The following UMAD1 variants were observed in gnomAD, a reference collection of about 807,000 sequenced individuals.
The protein encoded by UMAD1 is UBAP1-MVB12-associated (UMA)-domain containing protein 1.
In UMAD1, 8 loss-of-function variants were observed where a neutral mutation model predicts 6.1. The observed-to-expected ratio is 1.30, with a 90% CI of 0.76 to 2.35. UMAD1 has a LOEUF of 2.35. Ranked by LOEUF, UMAD1 falls within the 30% of genes most tolerant of loss-of-function variation. The pLI is 0.00. For missense variants in UMAD1, 130 were observed against 78.4 expected, an observed-to-expected ratio of 1.66 and a Z score of -2.49; for synonymous variants, 56 against 31.4, an observed-to-expected ratio of 1.78 and a Z score of -2.61.
In UMAD1 at chr7:7,693,551, A is replaced by G. The variant is rs536447725; in HGVS notation, c.82+20098A>G. Among the ~76,000 whole-genome samples the G allele has an allele frequency of 1.5e-3, 234 of 152,290 alleles. 1 individual carries two copies. Among genetic ancestry groups the G allele is most frequent in the African/African-American group, 5.4e-3 (223 of 41,562 alleles). ...ATTCTCAAAAGAGCTTCATGAAACT[A>G]GAACTTCCAGTGTATCAGGAGGCAT... On this transcript the variant is annotated intron_variant, in intron 2 of 3. Transcript: ENST00000682710.
At chr7:7,784,623 G>A (rs937740878) in intron 2 of UMAD1, among the ~76,000 whole-genome samples, 2 of 151,992 alleles carry the variant, frequency 1.3e-5, no homozygotes, top group African/African-American at 4.8e-5. Flanking sequence ...GGGATTACAG[G>A]CGTGAGCCAC....
At chr7:7,800,391 C>A (rs1182598390) in intron 2 of UMAD1, among the ~76,000 whole-genome samples, 4 of 152,142 alleles carry the variant, frequency 2.6e-5, no homozygotes, top group African/African-American at 9.7e-5. Flanking sequence ...GTTCTTGTTT[C>A]ATGATTTTAT....
At chr7:7,799,289 A>G (rs554845775) in intron 2 of UMAD1, among the ~76,000 whole-genome samples, 8 of 152,304 alleles carry the variant, frequency 5.3e-5, no homozygotes, top group South Asian at 2.1e-4. Context: ...GCAGATGGCA[A>G]TTTTCCTTGT....
intron 1 of UMAD1, among the ~76,000 whole-genome samples, chr7:7,652,012 C>T (rs912558997): frequency 7.2e-5 from 11 of 152,116 alleles, no homozygotes; most frequent in African/African-American, 2.4e-4. Flanking sequence ...GGGAGAAGAT[C>T]TTGTCAGGGA....
intron 2 of UMAD1, among the ~76,000 whole-genome samples, chr7:7,714,117 C>A (rs1780833459): frequency 6.6e-6 from 1 of 152,104 alleles, no homozygotes; most frequent in African/African-American, 2.4e-5. Flanking sequence ...ATTTAATGTC[C>A]TGTGGTCAGA....
chr7:7,665,085 A>G (rs1430108370), intron 1 of UMAD1, among the ~76,000 whole-genome samples: 1 of 152,198 alleles, frequency 6.6e-6, no homozygotes, highest in African/African-American at 2.4e-5. Context: ...CATCAATCAC[A>G]CAGGAATTTT....
chr7:7,825,175 A>G (rs947739659), intron 3 of UMAD1, among the ~76,000 whole-genome samples: 1 of 152,142 alleles, frequency 6.6e-6, no homozygotes, highest in East Asian at 1.9e-4. Flanking sequence ...ATCTTCCTAC[A>G]GGAAAACTTT....
chr7:7,753,562 A>G (rs1781719538), intron 2 of UMAD1, among the ~76,000 whole-genome samples: 1 of 152,154 alleles, frequency 6.6e-6, no homozygotes, highest in South Asian at 2.1e-4. Context: ...ACTTAACATA[A>G]TGACTTCCAG....
chr7:7,824,979 G>T (rs1783312243), intron 3 of UMAD1, among the ~76,000 whole-genome samples: 1 of 152,044 alleles, frequency 6.6e-6, no homozygotes. Flanking sequence ...AAATAAAGTA[G>T]GCCCATATAG....
chr7:7,790,782 C>G (rs1025032694), intron 2 of UMAD1, among the ~76,000 whole-genome samples: 1 of 152,234 alleles, frequency 6.6e-6, no homozygotes, highest in Non-Finnish European at 1.5e-5. Context: ...CTTCTGCATT[C>G]TGAAACTGAA....
chr7:7,743,254 G>T (rs1274173931), intron 2 of UMAD1, among the ~76,000 whole-genome samples: 1 of 152,150 alleles, frequency 6.6e-6, no homozygotes, highest in Non-Finnish European at 1.5e-5. Context: ...AGTGTGAATT[G>T]TTATGCAAAA....
chr7:7,796,204 C>T (rs1782674300), intron 2 of UMAD1, among the ~76,000 whole-genome samples: 1 of 149,248 alleles, frequency 6.7e-6, no homozygotes, highest in East Asian at 2.0e-4. Flanking sequence ...TATACTTAAG[C>T]ATTCTTCTGG....
At chr7:7,716,106 C>T (rs1780895415) in intron 2 of UMAD1, among the ~76,000 whole-genome samples, 1 of 152,058 alleles carries the variant, frequency 6.6e-6, no homozygotes, top group South Asian at 2.1e-4. Context: ...AGCAAACAAG[C>T]TGTGGCAGAA....
chr7:7,652,999 C>T (rs1785258095), intron 1 of UMAD1, among the ~76,000 whole-genome samples: 2 of 152,202 alleles, frequency 1.3e-5, no homozygotes, highest in South Asian at 4.1e-4. Flanking sequence ...TCTTGCTCCC[C>T]AGTGCTCTAG....
chr7:7,846,017 G>A (rs1458647301), intron 3 of UMAD1, among the ~76,000 whole-genome samples: 1 of 152,024 alleles, frequency 6.6e-6, no homozygotes, highest in Non-Finnish European at 1.5e-5. Flanking sequence ...GTCTATCTTT[G>A]AGTGAGAGAT....
intron 3 of UMAD1, among the ~76,000 whole-genome samples, chr7:7,839,849 A>G (rs762768901): frequency 6.6e-6 from 1 of 152,202 alleles, no homozygotes; most frequent in Non-Finnish European, 1.5e-5. Context: ...TTATGACCAT[A>G]AATTTAAAAT....
intron 1 of UMAD1, among the ~76,000 whole-genome samples, chr7:7,646,977 C>T (rs1785111013): frequency 6.6e-6 from 1 of 152,164 alleles, no homozygotes; most frequent in African/African-American, 2.4e-5. Context: ...GGAGCCCTCG[C>T]CAGGGACCCC....
chr7:7,695,695 A>G (rs1483514573), intron 2 of UMAD1, among the ~76,000 whole-genome samples: 1 of 152,214 alleles, frequency 6.6e-6, no homozygotes, highest in Non-Finnish European at 1.5e-5. Flanking sequence ...TATGCAACTC[A>G]GCAAGGATCC....
chr7:7,709,313 A>T (rs571902513), intron 2 of UMAD1, among the ~76,000 whole-genome samples: 51 of 152,342 alleles, frequency 3.3e-4, no homozygotes, highest in African/African-American at 1.2e-3. Context: ...AACATTAGAA[A>T]CTTGTTCAAT....
Sources: gnomAD v4.1 joint callset for allele counts (sites outside exome capture counted in the v4.1 genomes callset) on GRCh38, gnomAD v4.1.1 for gene constraint, MANE v1.5 for transcripts, NCBI Gene and HGNC (gene_info 2026-07-23, HGNC 2026-07-21) for gene names.